The following DPP10 variants were observed in gnomAD, a reference collection of about 807,000 sequenced individuals.
The protein encoded by DPP10 is inactive dipeptidyl peptidase 10.
DPP10 carries 33 observed loss-of-function variants against 120.9 expected under a neutral mutation model. The ratio of observed to expected loss-of-function variants is 0.27; its 90% CI spans 0.21 to 0.37. DPP10 has a LOEUF of 0.37. Ranked by LOEUF, DPP10 falls within the 10% of genes least tolerant of loss-of-function variation. DPP10 has a pLI of 1.00. For synonymous variants in DPP10, 337 were observed against 326.1 expected (o/e 1.03, Z -0.36); for missense variants, 816 against 942.8 (o/e 0.87, Z 1.76).
chr2:115,455,669 T>C (rs1191728030), intron 3 of DPP10, among the ~76,000 whole-genome samples: 1 of 152,052 alleles, frequency 6.6e-6, no homozygotes, highest in Non-Finnish European at 1.5e-5. Flanking sequence ...ACCACACATC[T>C]ACAACCATCT....
chr2:114,461,985 C>T (rs1678954607), intron 1 of DPP10: 1 of 985,318 alleles, frequency 1.0e-6, no homozygotes, highest in Non-Finnish European at 1.2e-6. Flanking sequence ...AGTCTCCCTG[C>T]TGAATCGAAA....
chr2:114,737,134 C>T (rs1677522338), intron 1 of DPP10, among the ~76,000 whole-genome samples: 1 of 152,124 alleles, frequency 6.6e-6, no homozygotes, highest in Non-Finnish European at 1.5e-5. Flanking sequence ...TTAACGTTGG[C>T]ATGTTTAGTG....
intron 8 of DPP10, among the ~76,000 whole-genome samples, chr2:115,735,131 C>T (rs867091818): frequency 6.6e-5 from 10 of 152,116 alleles, no homozygotes; most frequent in African/African-American, 2.4e-4. Context: ...ATTTGATTCG[C>T]CAGGGTTTCA....
intron 3 of DPP10, among the ~76,000 whole-genome samples, chr2:115,474,513 C>T (rs78216980): frequency 1.4e-3 from 213 of 152,136 alleles, no homozygotes; most frequent in Non-Finnish European, 2.6e-3. Context: ...TTGCCCATGC[C>T]TTATGGATCT....
intron 3 of DPP10, among the ~76,000 whole-genome samples, chr2:115,403,367 T>C (rs56803970): frequency 0.033 from 4,890 of 146,550 alleles, 240 homozygotes; most frequent in African/African-American, 0.11. Flanking sequence ...ACTTCTCTCT[T>C]TCTTTCTTTC....
chr2:114,974,716 G>A (rs1195417954), intron 1 of DPP10, among the ~76,000 whole-genome samples: 2 of 152,032 alleles, frequency 1.3e-5, no homozygotes, highest in African/African-American at 4.8e-5. Flanking sequence ...CGGGATATAA[G>A]CTAGATCCTA....
intron 1 of DPP10, among the ~76,000 whole-genome samples, chr2:115,156,333 T>C (rs2051907607): frequency 6.6e-6 from 1 of 152,186 alleles, no homozygotes; most frequent in Non-Finnish European, 1.5e-5. Flanking sequence ...GTAGAGACAA[T>C]GCCAGGGACT....
intron 1 of DPP10, among the ~76,000 whole-genome samples, chr2:114,468,397 C>CAAAAAAAAAAAAAAAAAAAAAAA (rs71297186): frequency 7.2e-5 from 5 of 69,560 alleles, no homozygotes; most frequent in African/African-American, 2.7e-4. Context: ...GCTTACAATG[C>CAAAAAAAAAAAAAAAAAAAAAAA]AAAAAAAAAA....
intron 1 of DPP10, among the ~76,000 whole-genome samples, chr2:115,205,215 G>T (rs1345176814): frequency 1.3e-5 from 2 of 152,008 alleles, no homozygotes; most frequent in South Asian, 4.1e-4. Flanking sequence ...TATAATTTTT[G>T]TAGTTTTAGG....
intron 1 of DPP10, among the ~76,000 whole-genome samples, chr2:115,266,903 G>T (rs906059640): frequency 3.3e-5 from 5 of 152,052 alleles, no homozygotes; most frequent in South Asian, 2.1e-4. Flanking sequence ...ATTCATTTTG[G>T]GGGGGAGAAT....
At chr2:115,326,405 CATAATA>C (rs1173334948) in intron 2 of DPP10, among the ~76,000 whole-genome samples, 2 of 151,994 alleles carry the variant, frequency 1.3e-5, no homozygotes, top group Non-Finnish European at 2.9e-5. Context: ...ACATATGGTA[CATAATA>C]ATAATGATAA....
At chr2:115,800,329 A>C (rs1261881424) in intron 19 of DPP10, among the ~76,000 whole-genome samples, 1 of 151,838 alleles carries the variant, frequency 6.6e-6, no homozygotes, top group South Asian at 2.1e-4. Context: ...TAGATTCTGG[A>C]TATTAGCCCT....
intron 1 of DPP10, among the ~76,000 whole-genome samples, chr2:114,451,611 G>T (rs138898163): frequency 6.6e-6 from 1 of 152,152 alleles, no homozygotes; most frequent in African/African-American, 2.4e-5. Context: ...GTATTTAATA[G>T]TTGAGACCAA....
At chr2:115,570,464 A>G (rs1378690269) in intron 5 of DPP10, among the ~76,000 whole-genome samples, 1 of 152,210 alleles carries the variant, frequency 6.6e-6, no homozygotes, top group Non-Finnish European at 1.5e-5. Context: ...AGTCTTTCAC[A>G]TAGTCCACAC....
intron 5 of DPP10, among the ~76,000 whole-genome samples, chr2:115,601,566 A>G (rs2083321395): frequency 6.6e-6 from 1 of 152,224 alleles, no homozygotes; most frequent in African/African-American, 2.4e-5. Flanking sequence ...CTACCCTATT[A>G]AAGACTAATC....
At chr2:114,838,740 A>G (rs1687931819) in intron 1 of DPP10, among the ~76,000 whole-genome samples, 1 of 152,192 alleles carries the variant, frequency 6.6e-6, no homozygotes, top group Non-Finnish European at 1.5e-5. Context: ...AGGGGTTACC[A>G]TGGGGGCATT....
chr2:114,519,805 G>A (rs1019088604), intron 1 of DPP10, among the ~76,000 whole-genome samples: 1 of 152,148 alleles, frequency 6.6e-6, no homozygotes, highest in Admixed American at 6.5e-5. Flanking sequence ...GCTTTAGATG[G>A]CATATTTTCT....
intron 1 of DPP10, among the ~76,000 whole-genome samples, chr2:115,153,817 C>T (rs888711976): frequency 2.0e-5 from 3 of 151,966 alleles, no homozygotes; most frequent in Non-Finnish European, 4.4e-5. Context: ...TCTCTCCTAC[C>T]CCTCCCCCAT....
At chr2:114,873,928 T>C (rs1437791766) in intron 1 of DPP10, among the ~76,000 whole-genome samples, 1 of 152,144 alleles carries the variant, frequency 6.6e-6, no homozygotes, top group African/African-American at 2.4e-5. Context: ...CAAAACTTGC[T>C]TACTTATGTG....
Sources: gnomAD v4.1 joint callset for allele counts (sites outside exome capture counted in the v4.1 genomes callset) on GRCh38, gnomAD v4.1.1 for gene constraint, MANE v1.5 for transcripts, NCBI Gene and HGNC (gene_info 2026-07-23, HGNC 2026-07-21) for gene names.